The following PRR29 variants were observed in gnomAD, a reference collection of about 807,000 sequenced individuals.
The protein encoded by PRR29 is proline rich 29.
PRR29 carries 20 observed loss-of-function variants against 25.1 expected under a neutral mutation model. That is an observed-to-expected ratio of 0.80 (90% CI 0.56 to 1.16). PRR29 has a LOEUF of 1.16. Ranked by LOEUF, PRR29 falls within the 50% of genes most tolerant of loss-of-function variation. PRR29 has a pLI of 0.00. For synonymous variants in PRR29, 108 were observed against 102.6 expected, an observed-to-expected ratio of 1.05 and a Z score of -0.32; for missense variants, 238 against 246.6, an observed-to-expected ratio of 0.97 and a Z score of 0.23.
At chr17:64,000,817 T>TC in intron 3 of PRR29, 1 of 345,204 alleles carries the variant, frequency 2.9e-6, no homozygotes, top group Non-Finnish European at 5.2e-6. Flanking sequence ...CATGCCCAGC[T>TC]AATTTTTTTT....
chr17:64,001,865 G>C lies in PRR29; in HGVS notation c.*104G>C. ...GTCGACTCCCCGGTGCCCATGGCTG[G>C]CAGTCCTTCTCACTCCCTCAACCTC... On this transcript the variant is annotated 3_prime_UTR_variant, in exon 6 of 6. Transcript: ENST00000412177. 1 of 1,536,862 alleles carries C rather than the reference G, an allele frequency of 6.5e-7. No homozygotes were observed. The highest frequency in any genetic ancestry group is 1.2e-5 in the South Asian group (1 of 84,062).
In PRR29 at chr17:64,003,564, G is replaced by A. The variant is rs1196159091; in HGVS notation, c.*1803G>A. On this transcript the variant is annotated 3_prime_UTR_variant, in exon 6 of 6. Coordinates refer to ENST00000412177, the MANE Select transcript of PRR29 (RefSeq NM_001164257.2). ...GGGCTCCTGGGTGTTTGCTTCCCAA[G>A]TGGGACTCAAGATTTTTCTTCCCCC... The A allele has an allele frequency of 7.6e-6, 10 of 1,323,606 alleles. No homozygotes were observed. Among genetic ancestry groups the A allele is most frequent in the Non-Finnish European group, 1.1e-5 (10 of 941,600 alleles). The allele number at this position is 1,323,606 out of a possible 1,614,324, so 82.0% of individuals were successfully genotyped here.
Position 64,003,114 on chromosome 17 carries a change from G to C in PRR29, c.*1353G>C, listed in dbSNP as rs1322493995. On this transcript the variant is annotated 3_prime_UTR_variant, in exon 6 of 6. Transcript: ENST00000412177. ...CATTAAAATTATTATCTGGAAAAAA[G>C]GTGGCCCAGGGCTCAGGCTACCAGC... 7 of 575,650 alleles carry C rather than the reference G, an allele frequency of 1.2e-5. No homozygotes were observed. Among genetic ancestry groups the C allele is most frequent in the Non-Finnish European group, 3.1e-6 (1 of 325,354 alleles). 35.7% of individuals were successfully genotyped at this position (575,650 alleles called of 1,614,324 possible). A position where few individuals can be genotyped will look rare whatever the true frequency, so the allele number is the denominator to read the frequency against.
At position 63,998,408 on chromosome 17, in the gene PRR29, A is replaced by G. The variant is rs1184135471; in HGVS notation, c.44A>G (p.Gln15Arg). ...GGAAGCTGGGGTCGCTCCCCACCGCAGAGCGCAGTCCCGACGGTGAGGGCT... is the reference window on the plus strand; with the variant it reads ...GGAAGCTGGGGTCGCTCCCCACCGCGGAGCGCAGTCCCGACGGTGAGGGCT... Reference protein sequence around the residue: ...AGGSWGRSPPQSAVPTPWVTF... With the variant: ...AGGSWGRSPPRSAVPTPWVTF... The change falls in exon 1 of 6, where the codon CAG (glutamine) becomes CGG (arginine). Residue 15 changes from glutamine to arginine, a missense_variant. Coordinates refer to ENST00000412177, the MANE Select transcript of PRR29 (RefSeq NM_001164257.2). The G allele has an allele frequency of 2.0e-6, 3 of 1,507,108 alleles. No individual in the cohort carries two copies. In the East Asian group the frequency reaches 7.5e-5, roughly 37 times the overall value. 93.4% of individuals were successfully genotyped at this position (1,507,108 alleles called of 1,614,324 possible). A position where few individuals can be genotyped will look rare whatever the true frequency, so the allele number is the denominator to read the frequency against.
At chr17:63,998,660 C>A in intron 1 of PRR29, 47 bp from the exon 2 acceptor site, 2 of 1,109,730 alleles carry the variant, frequency 1.8e-6, no homozygotes, top group Non-Finnish European at 2.6e-6. Context: ...GACGTGTCCC[C>A]ATCCATTCCC....
Position 64,002,669 on chromosome 17 carries a change from C to T in PRR29, c.*908C>T. On this transcript the variant is annotated 3_prime_UTR_variant, in exon 6 of 6. Transcript: ENST00000412177. ...CTGCTGCCTGTCACAGTCCTTCAGC[C>T]AGGGCTGGACCTCAACCCTGAGGAG... 1.5e-6 allele frequency: 2 copies of T among 1,346,338 alleles called. No homozygotes were observed. The highest frequency in any genetic ancestry group is 2.1e-6 in the Non-Finnish European group (2 of 970,898). The allele number at this position is 1,346,338 out of a possible 1,614,324, so 83.4% of individuals were successfully genotyped here. A position where few individuals can be genotyped will look rare whatever the true frequency, so the allele number is the denominator to read the frequency against.
intron 4 of PRR29, 49 bp from the exon 5 acceptor site, chr17:64,001,418 G>T: frequency 6.7e-7 from 1 of 1,495,428 alleles, no homozygotes; most frequent in Non-Finnish European, 9.0e-7. Context: ...AAACTCCAGA[G>T]GCCACCCCTG....
At position 64,003,912 on chromosome 17, in the gene PRR29, GC is replaced by G. The variant is rs1911013123; in HGVS notation, c.*2154del. On this transcript the variant is annotated 3_prime_UTR_variant, in exon 6 of 6. Coordinates refer to ENST00000412177, the MANE Select transcript of PRR29 (RefSeq NM_001164257.2). ...CCCTGCACTCAATGGTGAAGGACTT[GC>G]CCACAGCCACCAAAGTGGGTTGCAG... 1.2e-6 allele frequency: 2 copies of G among 1,614,094 alleles called. No individual in the cohort carries two copies. The highest frequency in any genetic ancestry group is 2.7e-5 in the African/African-American group (2 of 75,064).
At chr17:63,998,564 G>C in intron 1 of PRR29, 140 bp downstream of exon 1, 1 of 1,149,094 alleles carries the variant, frequency 8.7e-7, no homozygotes, top group Non-Finnish European at 1.2e-6. Flanking sequence ...GGCGTGGCAG[G>C]GAGCAGGGAG....
Position 63,998,799 on chromosome 17 carries a change from CCCCCA to C in PRR29, c.136+27_136+31del. The C allele has an allele frequency of 1.6e-5, 16 of 1,009,136 alleles. No homozygotes were observed. The highest frequency in any genetic ancestry group is 2.3e-5 in the Non-Finnish European group (16 of 699,360). 62.5% of individuals were successfully genotyped at this position (1,009,136 alleles called of 1,614,324 possible). The stretch of plus-strand genomic sequence containing the variant: ...TGAAGGAAGGTGAGACTCCCGGGTC[CCCCCA>C]CCCCACCCCCACCATCACCACCACT... On this transcript the variant is annotated intron_variant, in intron 2 of 5. Coordinates refer to ENST00000412177, the MANE Select transcript of PRR29 (RefSeq NM_001164257.2).
intron 3 of PRR29, chr17:64,000,866 C>A: frequency 1.9e-6 from 1 of 515,946 alleles, no homozygotes. Context: ...CGGGGTTTCA[C>A]CGTGTTAGCC....
Position 64,002,615 on chromosome 17 carries a change from C to T in PRR29, c.*854C>T, listed in dbSNP as rs900729441. The T allele has an allele frequency of 2.7e-5, 21 of 781,094 alleles. No individual in the cohort carries two copies. Among genetic ancestry groups the T allele is most frequent in the South Asian group, 1.0e-4 (6 of 57,540 alleles). The allele number at this position is 781,094 out of a possible 1,614,324, so 48.4% of individuals were successfully genotyped here. A position where few individuals can be genotyped will look rare whatever the true frequency, so the allele number is the denominator to read the frequency against. On this transcript the variant is annotated 3_prime_UTR_variant, in exon 6 of 6. Coordinates refer to ENST00000412177, the MANE Select transcript of PRR29 (RefSeq NM_001164257.2). ...AGGGCTAAGTCCAGGTGTTTGTATT[C>T]GGGCTAGAAAAGGCAATGTCCCAAG... is the stretch of plus-strand genomic sequence containing the variant.
Position 64,004,063 on chromosome 17 carries a change from G to A in PRR29, c.*2302G>A, listed in dbSNP as rs566335286. On this transcript the variant is annotated 3_prime_UTR_variant, in exon 6 of 6. Transcript: ENST00000412177. ...ATCTCCTGTCACCATGGTGTTCCAC[G>A]GTTGGGGAGGAGGTGGCCTGGCCGG... The A allele has an allele frequency of 2.8e-5, 26 of 944,718 alleles. No individual in the cohort carries two copies. The East Asian group carries it at 4.8e-4, about 17-fold the overall frequency. 58.5% of individuals were successfully genotyped at this position (944,718 alleles called of 1,614,324 possible).
rs1262173519 is a variant in PRR29 at position 64,002,876 on chromosome 17, C to A, written c.*1115C>A. 1 of 1,613,912 alleles carries A rather than the reference C, an allele frequency of 6.2e-7. No individual in the cohort carries two copies. The highest frequency in any genetic ancestry group is 1.7e-5 in the Admixed American group (1 of 60,010). On this transcript the variant is annotated 3_prime_UTR_variant, in exon 6 of 6. Coordinates refer to ENST00000412177, the MANE Select transcript of PRR29 (RefSeq NM_001164257.2). ...CAGATGTCACGAACAGGGACAGCAA[C>A]ACCGACACCACCGTGACTATGATGA...
Position 64,002,775 on chromosome 17 carries a change from C to T in PRR29, c.*1014C>T, listed in dbSNP as rs1160004113. 3.1e-6 allele frequency: 5 copies of T among 1,612,616 alleles called. No homozygotes were observed. Among genetic ancestry groups the T allele is most frequent in the African/African-American group, 1.3e-5 (1 of 74,944 alleles). The stretch of plus-strand genomic sequence containing the variant: ...TGGCCGGAAGGCCTGGGGCAGCCTC[C>T]TCCAAGCCGCTCGCACCCCGTAGGT... On this transcript the variant is annotated 3_prime_UTR_variant, in exon 6 of 6. Transcript: ENST00000412177.
At chr17:63,999,429 T>C (rs1195126835) in intron 3 of PRR29, 1 of 327,846 alleles carries the variant, frequency 3.1e-6, no homozygotes, top group Non-Finnish European at 5.7e-6. Context: ...TCAGCTGATA[T>C]TTGTTGAACG....
rs192081687 is a variant in PRR29 at position 64,002,205 on chromosome 17, G to A, written c.*444G>A. 3,659 of 629,452 alleles carry A rather than the reference G, an allele frequency of 5.8e-3. 21 individuals carry two copies. Among genetic ancestry groups the A allele is most frequent in the Non-Finnish European group, 7.9e-3 (2,901 of 368,256 alleles). The allele number at this position is 629,452 out of a possible 1,614,324, so 39.0% of individuals were successfully genotyped here. On this transcript the variant is annotated 3_prime_UTR_variant, in exon 6 of 6. Coordinates refer to ENST00000412177, the MANE Select transcript of PRR29 (RefSeq NM_001164257.2). The stretch of plus-strand genomic sequence containing the variant: ...TGAAGGCCCCTTTGAGGTGGCTGGA[G>A]GGGCCCAGAGTGGTCGGGGAGAGAC...
rs752090147 is a variant in PRR29, at chr17:64,002,722, G to C, written c.*961G>C. 2 of 1,601,494 alleles carry C rather than the reference G, an allele frequency of 1.2e-6. No homozygotes were observed. Reference sequence around the variant, plus strand: ...ACACTGAGTTCCAGTGACCACCGTGGTGGTGGCCATGCCACTCATGGTTGC... The same window carrying C: ...ACACTGAGTTCCAGTGACCACCGTGCTGGTGGCCATGCCACTCATGGTTGC... On this transcript the variant is annotated 3_prime_UTR_variant, in exon 6 of 6. Coordinates refer to ENST00000412177, the MANE Select transcript of PRR29 (RefSeq NM_001164257.2).
At position 64,003,687 on chromosome 17, in the gene PRR29, GT is replaced by G; in HGVS notation, c.*1928del. The stretch of plus-strand genomic sequence containing the variant: ...TCGGGGCTGAGTGTTTGTGAAAGAT[GT>G]TGCCACCGCGAGACATCAAGTCCAG... On this transcript the variant is annotated 3_prime_UTR_variant, in exon 6 of 6. Coordinates refer to ENST00000412177, the MANE Select transcript of PRR29 (RefSeq NM_001164257.2). 1 of 1,614,172 alleles carries G rather than the reference GT, an allele frequency of 6.2e-7. No homozygotes were observed.
Sources: gnomAD v4.1 joint callset for allele counts on GRCh38, gnomAD v4.1.1 for gene constraint, MANE v1.5 for transcripts, NCBI Gene and HGNC (gene_info 2026-07-23, HGNC 2026-07-21) for gene names.